PACRG: variants seen among roughly 807,000 people sequenced by gnomAD.
The protein encoded by PACRG is parkin coregulated.
Under a neutral mutation model 29.7 loss-of-function variants are expected in PACRG, and 29 were observed. The observed-to-expected ratio is 0.98, with a 90% confidence interval of 0.73 to 1.33. The LOEUF (loss-of-function observed/expected upper bound fraction) is 1.33. Ranked by LOEUF, PACRG falls within the 40% of genes most tolerant of loss-of-function variation. The pLI is 0.00. For synonymous variants in PACRG, 116 were observed against 118.7 expected (o/e 0.98, Z 0.15); for missense variants, 279 against 316.2 (o/e 0.88, Z 0.89).
intron 1 of PACRG, among the ~76,000 whole-genome samples, chr6:162,797,701 AGGT>A (rs1785502340): frequency 2.0e-5 from 3 of 152,118 alleles, no homozygotes; most frequent in African/African-American, 7.2e-5. Flanking sequence ...AATTATGATA[AGGT>A]AGCACTCCCT....
chr6:163,228,488 A>C (rs1429803551), intron 4 of PACRG, among the ~76,000 whole-genome samples: 2 of 152,106 alleles, frequency 1.3e-5, no homozygotes, highest in African/African-American at 4.8e-5. Flanking sequence ...TTCATTCAAA[A>C]TTATGCTGGC....
At chr6:162,791,354 G>C (rs1784932575) in intron 1 of PACRG, among the ~76,000 whole-genome samples, 1 of 132,986 alleles carries the variant, frequency 7.5e-6, no homozygotes, top group Non-Finnish European at 1.6e-5. Flanking sequence ...TTTTTCTGTA[G>C]ATTGGGTTCC....
intron 2 of PACRG, among the ~76,000 whole-genome samples, chr6:163,043,737 G>A (rs1393992364): frequency 6.6e-6 from 1 of 152,140 alleles, no homozygotes; most frequent in Admixed American, 6.5e-5. Context: ...ATAACACGAG[G>A]GAATATGTGT....
rs74638001 is a variant in PACRG at position 163,311,206 on chromosome 6, G to C, written c.614-3621G>C. On this transcript the variant is annotated intron_variant, in intron 4 of 4. Coordinates refer to ENST00000366888, the MANE Select transcript of PACRG (RefSeq NM_001080379.2). The stretch of plus-strand genomic sequence containing the variant: ...TCCAAGAACAGAAACTAAATCCCTC[G>C]TTCTCCTCTGCCTGCCTCTCATCTT... 5.6e-3 allele frequency among the ~76,000 whole-genome samples: 852 copies of C among 152,252 alleles called. 6 individuals are homozygous for C. Among genetic ancestry groups the C allele is most frequent in the African/African-American group, 0.02 (817 of 41,546 alleles).
At chr6:163,266,723 A>G (rs1783538908) in intron 4 of PACRG, among the ~76,000 whole-genome samples, 1 of 152,208 alleles carries the variant, frequency 6.6e-6, no homozygotes, top group African/African-American at 2.4e-5. Flanking sequence ...TGTGACCCTC[A>G]TCTGACAGAT....
chr6:163,284,887 C>T (rs1025945539), intron 4 of PACRG, among the ~76,000 whole-genome samples: 3 of 152,204 alleles, frequency 2.0e-5, no homozygotes, highest in African/African-American at 7.2e-5. Flanking sequence ...TCAAATTCAA[C>T]ACCATGTTCT....
chr6:163,003,431 C>T (rs1804761886), intron 2 of PACRG, among the ~76,000 whole-genome samples: 2 of 151,996 alleles, frequency 1.3e-5, no homozygotes, highest in Admixed American at 1.3e-4. Flanking sequence ...GGAAATTGAG[C>T]CTGTTTGCAA....
At chr6:163,219,978 A>G (rs1480256585) in intron 4 of PACRG, among the ~76,000 whole-genome samples, 1 of 152,032 alleles carries the variant, frequency 6.6e-6, no homozygotes, top group Non-Finnish European at 1.5e-5. Context: ...ACCTTGCTTT[A>G]TTTTGCTTCA....
intron 1 of PACRG, among the ~76,000 whole-genome samples, chr6:162,742,313 T>A (rs922063514): frequency 1.3e-5 from 2 of 152,200 alleles, no homozygotes; most frequent in Non-Finnish European, 2.9e-5. Context: ...ATAAGGGGTT[T>A]CCCCTTTCAT....
intron 4 of PACRG, among the ~76,000 whole-genome samples, chr6:163,200,663 G>A (rs1419306399): frequency 6.6e-6 from 1 of 152,130 alleles, no homozygotes; most frequent in Non-Finnish European, 1.5e-5. Flanking sequence ...AACGTTGGAA[G>A]TGAAGACACC....
At chr6:162,775,813 A>G (rs1783597081) in intron 1 of PACRG, among the ~76,000 whole-genome samples, 1 of 152,184 alleles carries the variant, frequency 6.6e-6, no homozygotes, top group African/African-American at 2.4e-5. Context: ...TTTAACATTT[A>G]AAAAATCCTT....
At chr6:163,154,024 G>A (rs988162716) in intron 4 of PACRG, among the ~76,000 whole-genome samples, 5 of 152,152 alleles carry the variant, frequency 3.3e-5, no homozygotes, top group Non-Finnish European at 5.9e-5. Context: ...ATGTCTCTGC[G>A]GGAAGGGCAG....
intron 4 of PACRG, among the ~76,000 whole-genome samples, chr6:163,304,814 G>A (rs113374821): frequency 2.1e-3 from 323 of 152,338 alleles, no homozygotes; most frequent in African/African-American, 6.7e-3. Context: ...CCGGCTTCGT[G>A]AGGGAGATGA....
At chr6:163,228,679 G>A (rs1357785775) in intron 4 of PACRG, among the ~76,000 whole-genome samples, 1 of 152,088 alleles carries the variant, frequency 6.6e-6, no homozygotes, top group East Asian at 1.9e-4. Flanking sequence ...GATTATTTTT[G>A]TAACATTTCC....
chr6:163,276,825 A>T (rs1315588942), intron 4 of PACRG, among the ~76,000 whole-genome samples: 1 of 152,190 alleles, frequency 6.6e-6, no homozygotes, highest in Non-Finnish European at 1.5e-5. Context: ...TGGTGCCTTG[A>T]TCTTGCACTT....
intron 4 of PACRG, among the ~76,000 whole-genome samples, chr6:163,256,550 G>A (rs2128173792): frequency 6.6e-6 from 1 of 152,274 alleles, no homozygotes; most frequent in South Asian, 2.1e-4. Context: ...ACCAAGAAGG[G>A]GACATTGACA....
intron 2 of PACRG, among the ~76,000 whole-genome samples, chr6:162,896,950 G>A (rs1388055060): frequency 1.3e-5 from 2 of 152,166 alleles, no homozygotes; most frequent in African/African-American, 4.8e-5. Context: ...GAGAAGTGGT[G>A]CATACGAACC....
intron 2 of PACRG, among the ~76,000 whole-genome samples, chr6:162,849,129 G>A (rs1391553012): frequency 6.6e-6 from 1 of 152,156 alleles, no homozygotes; most frequent in African/African-American, 2.4e-5. Context: ...GACCAAAGAA[G>A]TTGACATTAT....
intron 4 of PACRG, among the ~76,000 whole-genome samples, chr6:163,173,941 G>C (rs1246856401): frequency 6.6e-6 from 1 of 152,196 alleles, no homozygotes; most frequent in South Asian, 2.1e-4. Flanking sequence ...CCTGGAGCAC[G>C]TATCAGCTGC....
Sources: gnomAD v4.1 joint callset for allele counts (sites outside exome capture counted in the v4.1 genomes callset) on GRCh38, gnomAD v4.1.1 for gene constraint, MANE v1.5 for transcripts, NCBI Gene and HGNC (gene_info 2026-07-23, HGNC 2026-07-21) for gene names.